The following HNF1B variants were observed in gnomAD, a reference collection of about 807,000 sequenced individuals.
HNF1B encodes hepatocyte nuclear factor 1-beta.
In HNF1B, 8 loss-of-function variants were observed where a neutral mutation model predicts 61.7. The observed-to-expected ratio is 0.13, with a 90% CI of 0.08 to 0.23. The LOEUF is 0.23. Among genes scored for constraint, HNF1B ranks in the 10% least tolerant of loss-of-function variants. HNF1B has a pLI of 1.00. For synonymous variants in HNF1B, 314 were observed against 287.7 expected (o/e 1.09, Z -0.93); for missense variants, 562 against 714.5 (o/e 0.79, Z 2.43).
At chr17:37,694,357 T>A (rs1017257918) in intron 8 of HNF1B, among the ~76,000 whole-genome samples, 2 of 130,112 alleles carry the variant, frequency 1.5e-5, no homozygotes, top group East Asian at 4.8e-4. Flanking sequence ...ACCTGGGAGG[T>A]GGAGGCTGCA....
At chr17:37,710,784 T>C (rs2032909950) in intron 4 of HNF1B, 121 bp from the exon 5 acceptor site, 1 of 897,666 alleles carries the variant, frequency 1.1e-6, no homozygotes, top group Non-Finnish European at 1.8e-6. Flanking sequence ...TCTCCTCCCC[T>C]GTCCACCCAC....
chr17:37,705,930 A>G (rs1226780282), intron 5 of HNF1B, among the ~76,000 whole-genome samples: 1 of 152,182 alleles, frequency 6.6e-6, no homozygotes, highest in African/African-American at 2.4e-5. Context: ...TTTCCATGAT[A>G]CATTAGTTTA....
At chr17:37,693,744 C>A (rs1259098680) in intron 8 of HNF1B, among the ~76,000 whole-genome samples, 1 of 152,218 alleles carries the variant, frequency 6.6e-6, no homozygotes, top group Non-Finnish European at 1.5e-5. Context: ...ATACGATACC[C>A]AGTGTTGGAG....
At chr17:37,692,382 G>T (rs537413492) in intron 8 of HNF1B, among the ~76,000 whole-genome samples, 1 of 152,362 alleles carries the variant, frequency 6.6e-6, no homozygotes, top group Non-Finnish European at 1.5e-5. Context: ...TGAGTTTGGA[G>T]TGAGAAAGCC....
At position 37,686,674 on chromosome 17, in the gene HNF1B, A is replaced by G. The variant is rs1016572581; in HGVS notation, c.*698T>C. On this transcript the variant is annotated 3_prime_UTR_variant, in exon 9 of 9. Transcript: ENST00000617811. ...AGTCAGTCCAAGGTATGCTGTCCCC[A>G]TAAGTGTCCAGGCCCGCGGGAGAGG... 2.4e-5 allele frequency: 4 copies of G among 165,118 alleles called. No individual in the cohort carries two copies. Among genetic ancestry groups the G allele is most frequent in the African/African-American group, 4.8e-5 (2 of 41,518 alleles). 10.2% of individuals were successfully genotyped at this position (165,118 alleles called of 1,614,324 possible).
intron 8 of HNF1B, among the ~76,000 whole-genome samples, chr17:37,695,475 C>A (rs1199962608): frequency 6.6e-6 from 1 of 152,224 alleles, no homozygotes; most frequent in Non-Finnish European, 1.5e-5. Context: ...GGAGCCCCAC[C>A]CGCCCCACAC....
intron 8 of HNF1B, 104 bp downstream of exon 8, chr17:37,698,972 G>T: frequency 1.1e-6 from 1 of 874,620 alleles, no homozygotes; most frequent in Non-Finnish European, 2.0e-6. Context: ...GCCTCAGAAG[G>T]ACCTAATTTC....
At chr17:37,709,012 C>T (rs1156305736) in intron 5 of HNF1B, among the ~76,000 whole-genome samples, 1 of 152,174 alleles carries the variant, frequency 6.6e-6, no homozygotes, top group Non-Finnish European at 1.5e-5. Flanking sequence ...CCTCACCCAT[C>T]CTGGCCCCCA....
At chr17:37,740,805 T>C (rs1473473679) in intron 1 of HNF1B, among the ~76,000 whole-genome samples, 1 of 152,248 alleles carries the variant, frequency 6.6e-6, no homozygotes, top group East Asian at 1.9e-4. Flanking sequence ...TTTTCATTTC[T>C]CATAAACACA....
Position 37,704,959 on chromosome 17 carries a change from G to C in HNF1B, c.1297C>G (p.Leu433Val), listed in dbSNP as rs141373830. 1 of 1,614,108 alleles carries C rather than the reference G, an allele frequency of 6.2e-7. No homozygotes were observed. The highest frequency in any genetic ancestry group is 2.2e-5 in the East Asian group (1 of 44,880). ...ACTCCAGAGAGGGGTGTCATGATGA[G>C]GTTTTGAGATTGCTGGGGATTATGG... Reference protein sequence around the residue: ...SHHNPQQSQNLIMTPLSGVMA... With the variant: ...SHHNPQQSQNVIMTPLSGVMA... Residue 433 changes from leucine (L) to valine (V), a missense_variant, in exon 6 of 9, where the codon CTC becomes GTC. Around this residue, in one of 6 missense-constraint regions of HNF1B, gnomAD observed 211 missense variants for 200.7 expected, o/e 1.05. Transcript: ENST00000617811.
rs933829654 is a variant in HNF1B, at chr17:37,744,967, C to T, written c.-83G>A. 2 of 1,219,450 alleles carry T rather than the reference C, an allele frequency of 1.6e-6. No individual in the cohort carries two copies. The highest frequency in any genetic ancestry group is 3.0e-5 in the African/African-American group (2 of 66,786). 75.5% of individuals were successfully genotyped at this position (1,219,450 alleles called of 1,614,324 possible). A position where few individuals can be genotyped will look rare whatever the true frequency, so the allele number is the denominator to read the frequency against. Reference sequence around the variant, plus strand: ...TGGAGGGGAGTTTCACAAGCAAACCCCAAATCCAGGAACCCCTCCACCCTT... The same window carrying T: ...TGGAGGGGAGTTTCACAAGCAAACCTCAAATCCAGGAACCCCTCCACCCTT... On this transcript the variant is annotated 5_prime_UTR_variant, in exon 1 of 9. Transcript: ENST00000617811.
At chr17:37,744,436 G>C (rs2034102740) in intron 1 of HNF1B, 105 bp downstream of exon 1, 1 of 1,204,344 alleles carries the variant, frequency 8.3e-7, no homozygotes. Context: ...GACTTCTCTG[G>C]TGGGAAACGG....
At chr17:37,742,092 G>A (rs1025816784) in intron 1 of HNF1B, among the ~76,000 whole-genome samples, 2 of 152,230 alleles carry the variant, frequency 1.3e-5, no homozygotes, top group Admixed American at 1.3e-4. Context: ...TGTGTCCCAA[G>A]CGCAGGTGTC....
chr17:37,707,925 T>C (rs539387285), intron 5 of HNF1B, among the ~76,000 whole-genome samples: 8 of 152,268 alleles, frequency 5.3e-5, no homozygotes, highest in Non-Finnish European at 8.8e-5. Context: ...AACCAGTCCT[T>C]GGGGAAAGAT....
At chr17:37,720,814 C>T (rs1327132873) in intron 4 of HNF1B, 3 of 985,228 alleles carry the variant, frequency 3.0e-6, no homozygotes, top group East Asian at 1.1e-4. Flanking sequence ...TCAGAGACTT[C>T]AGGGACCTTC....
chr17:37,745,030 G>C lies in HNF1B; in HGVS notation c.-146C>G, dbSNP rs2034134550. 1 of 686,848 alleles carries C rather than the reference G, an allele frequency of 1.5e-6. No individual in the cohort carries two copies. The highest frequency in any genetic ancestry group is 2.5e-6 in the Non-Finnish European group (1 of 402,998). 42.5% of individuals were successfully genotyped at this position (686,848 alleles called of 1,614,324 possible). On this transcript the variant is annotated 5_prime_UTR_variant, in exon 1 of 9. Transcript: ENST00000617811. ...ACCTGTTACTCCCCGGGGTCCCGGA[G>C]GCTCCTCCGAAAGGAGTCAGAAAAC... is the stretch of plus-strand genomic sequence containing the variant.
Position 37,744,792 on chromosome 17 carries a change from C to G in HNF1B, c.93G>C (p.Glu31Asp). ...VTKEVLVQAL[E>D]ELLPSPNFGV... ...CGAAGTTCGGGGATGGCAGCAACTCCTCCAAGGCCTGAACCAGCACCTCCT... is the reference window on the plus strand; with the variant it reads ...CGAAGTTCGGGGATGGCAGCAACTCGTCCAAGGCCTGAACCAGCACCTCCT... The change falls in exon 1 of 9, where the codon GAG (glutamate) becomes GAC (aspartate). Residue 31 changes from glutamate to aspartate, a missense_variant. Physicochemically the swap from Glu to Asp is conservative, Grantham distance 45. This residue lies in a region of HNF1B where 148 missense variants were observed against 147.3 expected (regional missense o/e 1.00). Transcript: ENST00000617811. 1 of 1,613,666 alleles carries G rather than the reference C, an allele frequency of 6.2e-7. No individual in the cohort carries two copies. The highest frequency in any genetic ancestry group is 1.3e-5 in the African/African-American group (1 of 75,076).
intron 4 of HNF1B, 185 bp downstream of exon 4, chr17:37,731,410 G>A (rs1310396516): frequency 1.0e-5 from 7 of 697,288 alleles, no homozygotes; most frequent in Non-Finnish European, 1.8e-5. Context: ...GCTGAACCAG[G>A]AGTTGGAGGA....
chr17:37,726,201 G>T (rs1256866052), intron 4 of HNF1B, among the ~76,000 whole-genome samples: 3 of 151,992 alleles, frequency 2.0e-5, no homozygotes, highest in Non-Finnish European at 4.4e-5. Context: ...TGCCTGAAAA[G>T]TTCTTAGCAT....
Sources: allele counts gnomAD v4.1 joint callset (sites outside exome capture counted in the v4.1 genomes callset), GRCh38; gene constraint gnomAD v4.1.1; regional missense constraint gnomAD v4.1.1; transcripts MANE v1.5; gene names NCBI Gene and HGNC (gene_info 2026-07-23, HGNC 2026-07-21).